NAA25: variants seen among roughly 807,000 people sequenced by gnomAD.
NAA25 encodes the protein N-alpha-acetyltransferase 25, NatB auxiliary subunit, also known as N-terminal acetyltransferase B complex subunit NAA25.
NAA25 carries 30 observed loss-of-function variants against 132.5 expected under a neutral mutation model. The observed-to-expected ratio is 0.23, with a 90% CI of 0.17 to 0.31. The LOEUF is 0.31. Among genes scored for constraint, NAA25 ranks in the 10% least tolerant of loss-of-function variants. The probability of loss-of-function intolerance (pLI) is 1.00; values close to 1 mark genes in which losing one functional copy is unlikely to be tolerated. For missense variants in NAA25, 771 were observed against 1,150.4 expected (o/e 0.67, Z 4.77); for synonymous variants, 359 against 401.9 (o/e 0.89, Z 1.28).
intron 7 of NAA25, 54 bp downstream of exon 7, chr12:112,078,134 T>G: frequency 7.9e-7 from 1 of 1,267,650 alleles, no homozygotes; most frequent in Non-Finnish European, 1.1e-6. Context: ...AATAAACATT[T>G]TTCATGTTTA....
chr12:112,032,142 T>G (rs1416931479), intron 23 of NAA25, among the ~76,000 whole-genome samples: 2 of 151,650 alleles, frequency 1.3e-5, no homozygotes, highest in Non-Finnish European at 2.9e-5. Context: ...TTTTTTGTAT[T>G]TTTTTAGTAG....
At chr12:112,088,487 G>A (rs1275779491) in intron 3 of NAA25, among the ~76,000 whole-genome samples, 2 of 151,016 alleles carry the variant, frequency 1.3e-5, no homozygotes, top group Non-Finnish European at 2.9e-5. Flanking sequence ...CACCACAACT[G>A]GCTTATTTTT....
In NAA25 at chr12:112,043,063, C is replaced by T. The variant is rs372747690; in HGVS notation, c.2374+25G>A. On this transcript the variant is annotated intron_variant, in intron 19 of 23. Coordinates refer to ENST00000261745, the MANE Select transcript of NAA25 (RefSeq NM_024953.4). Reference sequence around the variant, plus strand: ...TACTACATTTTCTATGACAAAGACCCTATAAACACACAGTGTACACTTACC... The same window carrying T: ...TACTACATTTTCTATGACAAAGACCTTATAAACACACAGTGTACACTTACC... 7 of 1,569,522 alleles carry T rather than the reference C, an allele frequency of 4.5e-6. No individual in the cohort carries two copies. The African/African-American group carries it at 8.2e-5, about 18-fold the overall frequency.
chr12:112,044,416 A>T (rs1449864669), intron 17 of NAA25, among the ~76,000 whole-genome samples: 2 of 151,900 alleles, frequency 1.3e-5, no homozygotes, highest in Admixed American at 6.6e-5. Context: ...CACACCTGTT[A>T]TCCCAGCACT....
At chr12:112,035,972 C>T (rs1473385968) in intron 22 of NAA25, among the ~76,000 whole-genome samples, 1 of 152,064 alleles carries the variant, frequency 6.6e-6, no homozygotes, top group Non-Finnish European at 1.5e-5. Flanking sequence ...AGGTGTGAAC[C>T]GCAGCACCCA....
At chr12:112,099,693 A>G (rs1471203895) in intron 1 of NAA25, among the ~76,000 whole-genome samples, 1 of 152,196 alleles carries the variant, frequency 6.6e-6, no homozygotes, top group Non-Finnish European at 1.5e-5. Context: ...AGGCCTGGAC[A>G]CATGCAGGCC....
chr12:112,102,056 A>G (rs531197991), intron 1 of NAA25, among the ~76,000 whole-genome samples: 1 of 151,630 alleles, frequency 6.6e-6, no homozygotes, highest in African/African-American at 2.4e-5. Flanking sequence ...TTTAGTAGAG[A>G]TGGGTTTTCA....
intron 13 of NAA25, among the ~76,000 whole-genome samples, chr12:112,058,855 G>A (rs542705837): frequency 3.3e-5 from 5 of 151,958 alleles, no homozygotes; most frequent in East Asian, 3.9e-4. Context: ...TCAGGTAATC[G>A]AGACCATCCT....
intron 1 of NAA25, 33 bp from the exon 2 acceptor site, chr12:112,093,169 T>C (rs759757950): frequency 4.8e-6 from 6 of 1,239,906 alleles, no homozygotes; most frequent in South Asian, 2.5e-5. Context: ...ACAGTTATTA[T>C]ATTCCTTCAA....
intron 1 of NAA25, among the ~76,000 whole-genome samples, chr12:112,094,433 A>C (rs1473638101): frequency 1.3e-5 from 2 of 152,122 alleles, no homozygotes; most frequent in African/African-American, 4.8e-5. Flanking sequence ...ATCTTTTAAA[A>C]ATTAAAATAA....
intron 17 of NAA25, among the ~76,000 whole-genome samples, chr12:112,045,448 C>G (rs2078365374): frequency 1.3e-5 from 2 of 150,658 alleles, no homozygotes; most frequent in African/African-American, 4.9e-5. Flanking sequence ...GATTGCGCCA[C>G]CGCACTCCAG....
Position 112,040,526 on chromosome 12 carries a change from C to T in NAA25, c.2493G>A (p.Leu831=). ...GDLLEVKDGN[L]KTHPTLLENL... ...TTTCTAAAAGAGTAGGATGTGTTTT[C>T]AAGTTACCATCTTTAACTTCTAAGA... Residue 831 remains leucine, a synonymous_variant, in exon 21 of 24, where the codon TTG becomes TTA. Coordinates refer to ENST00000261745, the MANE Select transcript of NAA25 (RefSeq NM_024953.4). 1 of 1,606,368 alleles carries T rather than the reference C, an allele frequency of 6.2e-7. No homozygotes were observed.
rs765495968 is a variant in NAA25 at position 112,075,687 on chromosome 12, A to G, written c.767T>C (p.Leu256Ser). ...GAAAGCTTTTACTCACTTTTTTAGT[A>G]AGAGGCGCCGGGAAAGGGCATTGCA... ...PECNALSRRL[L>S]LKNSDDWQFY... The change falls in exon 8 of 24, where the codon TTA (leucine) becomes TCA (serine). Residue 256 changes from leucine to serine, a missense_variant. Coordinates refer to ENST00000261745, the MANE Select transcript of NAA25 (RefSeq NM_024953.4). 1 of 1,613,570 alleles carries G rather than the reference A, an allele frequency of 6.2e-7. No individual in the cohort carries two copies. The highest frequency in any genetic ancestry group is 1.3e-5 in the African/African-American group (1 of 75,036).
chr12:112,083,657 G>C (rs2079003825), intron 4 of NAA25, among the ~76,000 whole-genome samples: 1 of 152,162 alleles, frequency 6.6e-6, no homozygotes. Context: ...TACTCCACAG[G>C]TATAAAATGA....
rs34053629 is a variant in NAA25 at position 112,073,261 on chromosome 12, T to TACAC, written c.867-1201_867-1198dup. On this transcript the variant is annotated intron_variant, in intron 9 of 23. Coordinates refer to ENST00000261745, the MANE Select transcript of NAA25 (RefSeq NM_024953.4). Reference sequence around the variant, plus strand: ...AAAAAAACAAAAATTAAAAATTAAATACACACACACACACACACACACACA... The same window carrying TACAC: ...AAAAAAACAAAAATTAAAAATTAAATACACACACACACACACACACACACACACA... Among the ~76,000 whole-genome samples, 1,270 of 148,766 alleles carry TACAC rather than the reference T, an allele frequency of 8.5e-3. 15 individuals are homozygous for TACAC. Among genetic ancestry groups the TACAC allele is most frequent in the African/African-American group, 0.023 (936 of 40,576 alleles).
intron 1 of NAA25, among the ~76,000 whole-genome samples, chr12:112,102,099 A>C (rs571153306): frequency 6.6e-6 from 1 of 151,332 alleles, no homozygotes; most frequent in Admixed American, 6.6e-5. Context: ...AAACTCCTGG[A>C]CTCAAGTGAT....
intron 1 of NAA25, 51 bp downstream of exon 1, chr12:112,108,665 G>C (rs1403473041): frequency 2.1e-6 from 3 of 1,411,426 alleles, no homozygotes; most frequent in Admixed American, 2.6e-5. Context: ...CCCCAGCCTC[G>C]GCAGCCCTCG....
chr12:112,073,172 T>C (rs1304727623), intron 9 of NAA25, among the ~76,000 whole-genome samples: 5 of 150,156 alleles, frequency 3.3e-5, no homozygotes, highest in Admixed American at 3.3e-4. Flanking sequence ...GAGGCAGAGG[T>C]TGCAGTGAGC....
chr12:112,059,860 T>A (rs890654111), intron 13 of NAA25, among the ~76,000 whole-genome samples: 3 of 151,380 alleles, frequency 2.0e-5, no homozygotes, highest in Non-Finnish European at 4.4e-5. Context: ...CAGGCTGAAG[T>A]GCAGTGGCAT....
Sources: allele counts gnomAD v4.1 joint callset (sites outside exome capture counted in the v4.1 genomes callset), GRCh38; gene constraint gnomAD v4.1.1; transcripts MANE v1.5; gene names NCBI Gene and HGNC (gene_info 2026-07-23, HGNC 2026-07-21).